The following SEC13 variants were observed in gnomAD, a reference collection of about 807,000 sequenced individuals.
SEC13 encodes protein SEC13 homolog.
A neutral mutation model predicts 49.2 loss-of-function variants in SEC13; 25 were observed. The observed-to-expected ratio is 0.51, with a 90% confidence interval of 0.37 to 0.71. The LOEUF (loss-of-function observed/expected upper bound fraction) is 0.71, where lower values mean the gene tolerates loss of function less well. Ranked by LOEUF, SEC13 falls within the 30% of genes least tolerant of loss-of-function variation. The pLI is 0.00. For synonymous variants in SEC13, 148 were observed against 163.9 expected (o/e 0.90, Z 0.74); for missense variants, 383 against 417.6 (o/e 0.92, Z 0.72).
At chr3:10,311,714 A>G (rs2125268506) in intron 5 of SEC13, 2 of 1,366,380 alleles carry the variant, frequency 1.5e-6, no homozygotes, top group East Asian at 3.0e-5. Flanking sequence ...GGTGGCAGTG[A>G]GCAGGCTGCT....
In SEC13 at chr3:10,318,108, T is replaced by C. The variant is rs745935641; in HGVS notation, c.4-14A>G. ...AATTACTGACACCTAGAACCAAAGA[T>C]ATCACTGGTAAATTAACTCATGGCA... On this transcript the variant is annotated splice_polypyrimidine_tract_variant and intron_variant, in intron 1 of 8. Transcript: ENST00000350697. The C allele has an allele frequency of 4.4e-6, 7 of 1,582,408 alleles. No individual in the cohort carries two copies. Among genetic ancestry groups the C allele is most frequent in the Admixed American group, 1.7e-5 (1 of 59,916 alleles).
At chr3:10,312,777 G>A (rs1701362360) in intron 3 of SEC13, 47 bp from the exon 4 acceptor site, 1 of 1,601,940 alleles carries the variant, frequency 6.2e-7, no homozygotes. Context: ...GCCTCTGCAG[G>A]CACTACTTTG....
rs1308817562 is a variant in SEC13, at chr3:10,300,934, T to C, written c.*327A>G. 2.6e-6 allele frequency: 2 copies of C among 780,310 alleles called. No homozygotes were observed. The highest frequency in any genetic ancestry group is 4.2e-6 in the Non-Finnish European group (2 of 477,378). The allele number at this position is 780,310 out of a possible 1,614,324, so 48.3% of individuals were successfully genotyped here. A position where few individuals can be genotyped will look rare whatever the true frequency, so the allele number is the denominator to read the frequency against. ...GGTTAGGATAACGCAGCAGGAATTA[T>C]AAGCAATATGACTTTATTTAGTTCC... On this transcript the variant is annotated 3_prime_UTR_variant, in exon 9 of 9. Coordinates refer to ENST00000350697, the MANE Select transcript of SEC13 (RefSeq NM_183352.3).
intron 3 of SEC13, chr3:10,313,856 G>C (rs1045019860): frequency 1.3e-5 from 2 of 154,892 alleles, no homozygotes; most frequent in African/African-American, 2.4e-5. Flanking sequence ...CTCCTGCATA[G>C]AGAAGCTTGA....
chr3:10,301,475 G>T, intron 8 of SEC13, 101 bp from the exon 9 acceptor site: 2 of 1,470,276 alleles, frequency 1.4e-6, no homozygotes, highest in Non-Finnish European at 1.9e-6. Context: ...CTGCCCAGAG[G>T]CTTGTGGGTG....
At chr3:10,305,342 T>C (rs1700807193) in intron 6 of SEC13, 186 bp from the exon 7 acceptor site, 2 of 1,111,126 alleles carry the variant, frequency 1.8e-6, no homozygotes, top group Non-Finnish European at 2.5e-6. Flanking sequence ...ATGCTCTGCT[T>C]CCACAGCCAA....
chr3:10,321,093 T>C lies in SEC13; in HGVS notation c.-41A>G, dbSNP rs769825980. ...TGCTCCAGGTCTCGGACGTGGCAGC[T>C]CCCGGCGGCGCCTCGGAACAGCTCA... On this transcript the variant is annotated 5_prime_UTR_variant, in exon 1 of 9. Transcript: ENST00000350697. This position sits in a 1 kb window ranked among gnomAD's most constrained non-coding sequence, Gnocchi z 4.1. 2.5e-6 allele frequency: 4 copies of C among 1,612,118 alleles called. No homozygotes were observed. In the South Asian group the frequency reaches 4.4e-5, roughly 18 times the overall value.
intron 6 of SEC13, 150 bp from the exon 7 acceptor site, chr3:10,305,306 CA>C: frequency 8.1e-7 from 1 of 1,237,870 alleles, no homozygotes; most frequent in Non-Finnish European, 1.1e-6. Flanking sequence ...CCCTTCACCC[CA>C]GCTGTAAAAA....
intron 5 of SEC13, among the ~76,000 whole-genome samples, chr3:10,307,583 C>A (rs139382729): frequency 6.6e-6 from 1 of 152,198 alleles, no homozygotes; most frequent in African/African-American, 2.4e-5. Context: ...GGAGAGAGAG[C>A]CTGTGCAGGT....
chr3:10,313,678 A>G (rs966262676), intron 3 of SEC13: 1 of 192,790 alleles, frequency 5.2e-6, no homozygotes. Context: ...AACAACTAGC[A>G]CAGTTTTTAC....
Position 10,303,763 on chromosome 3 carries a change from C to T in SEC13, c.855+263G>A, listed in dbSNP as rs868555636. On this transcript the variant is annotated intron_variant, in intron 8 of 8. Coordinates refer to ENST00000350697, the MANE Select transcript of SEC13 (RefSeq NM_183352.3). ...AGTAGGGTGATGGGCCTGACTGGCT[C>T]TGCCACCTCATAGTTTTGGGACCCC... 13 of 514,478 alleles carry T rather than the reference C, an allele frequency of 2.5e-5. No homozygotes were observed. In the South Asian group the frequency reaches 2.6e-4, roughly 10 times the overall value. The allele number at this position is 514,478 out of a possible 1,614,324, so 31.9% of individuals were successfully genotyped here.
chr3:10,303,998 C>T, intron 8 of SEC13, 28 bp downstream of exon 8: 2 of 1,612,618 alleles, frequency 1.2e-6, no homozygotes, highest in Non-Finnish European at 1.7e-6. Flanking sequence ...AGGCTGTGTC[C>T]ACCATGCCAC....
intron 5 of SEC13, 102 bp downstream of exon 5, chr3:10,311,863 C>A (rs770896901): frequency 1.6e-5 from 25 of 1,606,678 alleles, no homozygotes; most frequent in Non-Finnish European, 2.0e-5. Context: ...CCCCGGCCCA[C>A]TGTCCAGCGG....
intron 2 of SEC13, among the ~76,000 whole-genome samples, chr3:10,316,589 C>T (rs1701619987): frequency 6.6e-6 from 1 of 152,160 alleles, no homozygotes; most frequent in Non-Finnish European, 1.5e-5. Context: ...ACTTTGAAAA[C>T]ACTTCATCTC....
intron 8 of SEC13, among the ~76,000 whole-genome samples, chr3:10,301,943 TA>T (rs142051696): frequency 6.6e-6 from 1 of 151,882 alleles, no homozygotes; most frequent in Admixed American, 6.6e-5. Context: ...GAGGCTGCAT[TA>T]AAAAAAATCA....
chr3:10,301,430 C>A (rs1700503491), intron 8 of SEC13, 56 bp from the exon 9 acceptor site: 4 of 1,606,864 alleles, frequency 2.5e-6, no homozygotes, highest in African/African-American at 2.7e-5. Context: ...CCTCTGCTGT[C>A]CCCTAAATAT....
chr3:10,301,233 G>A lies in SEC13; in HGVS notation c.*28C>T, dbSNP rs1279474114. The A allele has an allele frequency of 1.9e-6, 3 of 1,614,142 alleles. No individual in the cohort carries two copies. In the South Asian group the frequency reaches 3.3e-5, roughly 18 times the overall value. ...GGAAGGGGCAGTCCTGGAGCTGGCGGGTGGGGAGCCAGGCCCCACCTGTCT... is the reference window on the plus strand; with the variant it reads ...GGAAGGGGCAGTCCTGGAGCTGGCGAGTGGGGAGCCAGGCCCCACCTGTCT... On this transcript the variant is annotated 3_prime_UTR_variant, in exon 9 of 9. Transcript: ENST00000350697.
chr3:10,312,443 T>C (rs1574882379), intron 4 of SEC13, 136 bp downstream of exon 4: 1 of 1,075,482 alleles, frequency 9.3e-7, no homozygotes, highest in East Asian at 2.4e-5. Flanking sequence ...GAGGACAGAG[T>C]AGCAGAAAAG....
chr3:10,308,643 A>G (rs2125257921), intron 5 of SEC13, among the ~76,000 whole-genome samples: 1 of 152,036 alleles, frequency 6.6e-6, no homozygotes, highest in Non-Finnish European at 1.5e-5. Flanking sequence ...TTCTGCACCA[A>G]TCCTTACTAT....
Sources: gnomAD v4.1 joint callset for allele counts (sites outside exome capture counted in the v4.1 genomes callset) on GRCh38, gnomAD v4.1.1 for gene constraint, Gnocchi (gnomAD v3.1) non-coding constraint, MANE v1.5 for transcripts, NCBI Gene and HGNC (gene_info 2026-07-23, HGNC 2026-07-21) for gene names.